Variants in TBC1D32 observed in about 807,000 individuals in gnomAD.
The protein encoded by TBC1D32 is protein broad-minded.
A neutral mutation model predicts 170.3 loss-of-function variants in TBC1D32; 151 were observed. That is an observed-to-expected ratio of 0.89 (90% CI 0.78 to 1.01). The LOEUF (loss-of-function observed/expected upper bound fraction) is 1.01, where lower values mean the gene tolerates loss of function less well. Ranked by LOEUF, TBC1D32 falls within the 50% of genes least tolerant of loss-of-function variation. TBC1D32 has a pLI of 0.00. For missense variants in TBC1D32, 1,464 were observed against 1,457.1 expected, an observed-to-expected ratio of 1.00 and a Z score of -0.08; for synonymous variants, 498 against 488.0, an observed-to-expected ratio of 1.02 and a Z score of -0.27.
intron 26 of TBC1D32, among the ~76,000 whole-genome samples, chr6:121,116,311 G>T (rs1779677272): frequency 6.6e-6 from 1 of 151,862 alleles, no homozygotes; most frequent in African/African-American, 2.4e-5. Flanking sequence ...AGCTATGAGG[G>T]ATAAAAGATA....
chr6:121,106,404 A>T (rs1778688381), intron 29 of TBC1D32, among the ~76,000 whole-genome samples: 1 of 151,994 alleles, frequency 6.6e-6, no homozygotes, highest in South Asian at 2.1e-4. Context: ...AGACTCAGGA[A>T]AAAAGTTAAT....
chr6:121,263,222 A>AAC (rs1554292831), intron 15 of TBC1D32, among the ~76,000 whole-genome samples: 3 of 109,710 alleles, frequency 2.7e-5, no homozygotes, highest in East Asian at 2.7e-4. Flanking sequence ...TCAAAAAACA[A>AAC]AACAAAAAAA....
chr6:121,226,302 T>G (rs1040367574), intron 20 of TBC1D32, among the ~76,000 whole-genome samples: 2 of 152,048 alleles, frequency 1.3e-5, no homozygotes, highest in African/African-American at 4.8e-5. Flanking sequence ...TACTGCAATA[T>G]GGAGAGCAAT....
At chr6:121,188,128 C>G (rs1245117087) in intron 22 of TBC1D32, among the ~76,000 whole-genome samples, 1 of 151,944 alleles carries the variant, frequency 6.6e-6, no homozygotes, top group Admixed American at 6.6e-5. Context: ...AAAAACAAAA[C>G]AAAACAAAGG....
At chr6:121,206,422 T>C (rs1792284238) in intron 21 of TBC1D32, among the ~76,000 whole-genome samples, 1 of 152,066 alleles carries the variant, frequency 6.6e-6, no homozygotes, top group Non-Finnish European at 1.5e-5. Flanking sequence ...AAGGTTTTGC[T>C]AGGGAGTAAA....
chr6:121,125,040 T>C (rs1780678454), intron 26 of TBC1D32, among the ~76,000 whole-genome samples: 1 of 152,258 alleles, frequency 6.6e-6, no homozygotes, highest in South Asian at 2.1e-4. Context: ...CATCTCATTT[T>C]GTCCATTTGG....
chr6:121,270,719 C>T (rs1463577013), intron 15 of TBC1D32, among the ~76,000 whole-genome samples: 1 of 152,106 alleles, frequency 6.6e-6, no homozygotes, highest in Admixed American at 6.6e-5. Context: ...TGAAACTATT[C>T]CAATCAATAG....
chr6:121,253,410 G>C (rs1403286416), intron 17 of TBC1D32, among the ~76,000 whole-genome samples: 2 of 151,944 alleles, frequency 1.3e-5, no homozygotes, highest in African/African-American at 2.4e-5. Flanking sequence ...ATTCCCGCAA[G>C]AAAAAAAGGC....
At chr6:121,307,338 T>TAC (rs2128483305) in intron 5 of TBC1D32, among the ~76,000 whole-genome samples, 1 of 152,224 alleles carries the variant, frequency 6.6e-6, no homozygotes, top group Admixed American at 6.5e-5. Flanking sequence ...ATCATGCCAC[T>TAC]ACACTCTAGC....
chr6:121,253,442 G>A (rs755797508), intron 17 of TBC1D32, among the ~76,000 whole-genome samples: 2 of 152,130 alleles, frequency 1.3e-5, no homozygotes, highest in Admixed American at 6.5e-5. Context: ...AGTCAAGGCC[G>A]GCACGGTGGC....
At chr6:121,324,041 T>C (rs190535944) in intron 1 of TBC1D32, among the ~76,000 whole-genome samples, 5 of 152,162 alleles carry the variant, frequency 3.3e-5, no homozygotes, top group African/African-American at 1.2e-4. Context: ...ATAGGTAAAA[T>C]AGATGAGGAC....
At chr6:121,220,521 G>A (rs1345224457) in intron 21 of TBC1D32, among the ~76,000 whole-genome samples, 1 of 152,112 alleles carries the variant, frequency 6.6e-6, no homozygotes, top group African/African-American at 2.4e-5. Flanking sequence ...GAAAGAAGCT[G>A]TCTGAATAAC....
chr6:121,092,600 C>A (rs906226063), intron 30 of TBC1D32, among the ~76,000 whole-genome samples: 13 of 152,004 alleles, frequency 8.6e-5, no homozygotes, highest in African/African-American at 3.1e-4. Flanking sequence ...TATTTTCTCA[C>A]TATTCTGGAA....
At position 121,307,624 on chromosome 6, in the gene TBC1D32, C is replaced by T. The variant is rs567392772; in HGVS notation, c.690+352G>A. ...CCTGTAATCCCAGCACTTTGGGAGGCCAAGGTGGGCGGATCACCTGAGGTC... is the reference window on the plus strand; with the variant it reads ...CCTGTAATCCCAGCACTTTGGGAGGTCAAGGTGGGCGGATCACCTGAGGTC... On this transcript the variant is annotated intron_variant, in intron 5 of 31. Transcript: ENST00000398212. Among the ~76,000 whole-genome samples, 5 of 152,218 alleles carry T rather than the reference C, an allele frequency of 3.3e-5. No homozygotes were observed. The East Asian group carries it at 9.7e-4, about 29-fold the overall frequency.
In TBC1D32 at chr6:121,255,327, C is replaced by G; in HGVS notation, c.2018+1G>C. ...GCATGACTTTCATCAATTGTACTTA[C>G]ATGTTTTGGGATTCCTGGCTTACTG... On this transcript the variant is annotated splice_donor_variant, in intron 17 of 31. Transcript: ENST00000398212. LOFTEE classifies it high-confidence loss of function. 1 of 1,546,356 alleles carries G rather than the reference C, an allele frequency of 6.5e-7. No individual in the cohort carries two copies. The highest frequency in any genetic ancestry group is 8.8e-7 in the Non-Finnish European group (1 of 1,137,442).
intron 24 of TBC1D32, among the ~76,000 whole-genome samples, chr6:121,139,005 T>A (rs1044893603): frequency 2.0e-5 from 3 of 151,858 alleles, no homozygotes; most frequent in East Asian, 1.9e-4. Context: ...CCACCACGCC[T>A]GGCTAATTTT....
chr6:121,109,296 T>C (rs1252168337), intron 29 of TBC1D32, among the ~76,000 whole-genome samples: 1 of 152,200 alleles, frequency 6.6e-6, no homozygotes, highest in Non-Finnish European at 1.5e-5. Flanking sequence ...GTGATTACCC[T>C]ACATTATAAC....
intron 22 of TBC1D32, among the ~76,000 whole-genome samples, chr6:121,178,511 T>C (rs1788071644): frequency 6.6e-6 from 1 of 152,146 alleles, no homozygotes; most frequent in Non-Finnish European, 1.5e-5. Context: ...GATAAGATAG[T>C]AGCTTAAAAC....
chr6:121,310,737 T>C, intron 4 of TBC1D32, 42 bp downstream of exon 4: 1 of 1,226,474 alleles, frequency 8.2e-7, no homozygotes, highest in Non-Finnish European at 1.2e-6. Flanking sequence ...ATTGTAAATG[T>C]ATGTTATCTG....
Sources: gnomAD v4.1 joint callset for allele counts (sites outside exome capture counted in the v4.1 genomes callset) on GRCh38, gnomAD v4.1.1 for gene constraint, MANE v1.5 for transcripts, NCBI Gene and HGNC (gene_info 2026-07-23, HGNC 2026-07-21) for gene names.